The following ARHGAP10 variants were observed in gnomAD, a reference collection of about 807,000 sequenced individuals.
ARHGAP10 encodes the protein rho GTPase-activating protein 10.
Under a neutral mutation model 108.6 loss-of-function variants are expected in ARHGAP10, and 87 were observed. The ratio of observed to expected loss-of-function variants is 0.80; its 90% confidence interval spans 0.67 to 0.96. The LOEUF is 0.96. Ranked by LOEUF, ARHGAP10 falls within the 40% of genes least tolerant of loss-of-function variation. The pLI is 0.00. For missense variants in ARHGAP10, 939 were observed against 954.5 expected (o/e 0.98, Z 0.21); for synonymous variants, 347 against 341.1 (o/e 1.02, Z -0.19).
chr4:148,047,135 TG>T, intron 20 of ARHGAP10, 84 bp downstream of exon 20: 1 of 1,514,972 alleles, frequency 6.6e-7, no homozygotes, highest in Non-Finnish European at 8.9e-7. Flanking sequence ...CAGTGACCTG[TG>T]GGTGCTGAAG....
chr4:147,772,598 A>G (rs1182962104), intron 1 of ARHGAP10, among the ~76,000 whole-genome samples: 1 of 152,260 alleles, frequency 6.6e-6, no homozygotes, highest in African/African-American at 2.4e-5. Context: ...TTGACAAGGC[A>G]TTAGCAATCA....
At chr4:147,892,594 G>A (rs111451451) in intron 10 of ARHGAP10, among the ~76,000 whole-genome samples, 1 of 30,704 alleles carries the variant, frequency 3.3e-5, no homozygotes, top group Non-Finnish European at 1.1e-4. Flanking sequence ...GGTTGGCTGG[G>A]AGTGTGGGGT....
At chr4:147,949,812 A>C (rs1738527323) in intron 15 of ARHGAP10, among the ~76,000 whole-genome samples, 1 of 149,382 alleles carries the variant, frequency 6.7e-6, no homozygotes, top group Non-Finnish European at 1.5e-5. Context: ...CTAAGGGTGG[A>C]AATCCACCTT....
In ARHGAP10 at chr4:148,023,273, C is replaced by T. The variant is rs749043561; in HGVS notation, c.1727C>T (p.Thr576Met). 140 of 1,613,638 alleles carry T rather than the reference C, an allele frequency of 8.7e-5. 2 individuals carry two copies. In the South Asian group the frequency reaches 1.2e-3, roughly 14 times the overall value. Reference protein sequence around the residue: ...LIENHEKIFRTPPDTTFPEPT... With the variant: ...LIENHEKIFRMPPDTTFPEPT... Reference sequence around the variant, plus strand: ...ATGCTTTGTTGGAAGATTTTTCGGACGCCGCCCGATACTACATTCCCTGAG... The same window carrying T: ...ATGCTTTGTTGGAAGATTTTTCGGATGCCGCCCGATACTACATTCCCTGAG... The change falls in exon 19 of 23, where the codon ACG becomes ATG. Residue 576 changes from threonine to methionine, a missense_variant. Coordinates refer to ENST00000336498, the MANE Select transcript of ARHGAP10 (RefSeq NM_024605.4).
At chr4:148,052,318 T>C (rs1338153101) in intron 20 of ARHGAP10, among the ~76,000 whole-genome samples, 3 of 147,898 alleles carry the variant, frequency 2.0e-5, no homozygotes, top group Non-Finnish European at 4.4e-5. Flanking sequence ...CCCTAGAAGT[T>C]GGTATCTTAA....
At chr4:147,993,387 T>A (rs80026408) in intron 18 of ARHGAP10, among the ~76,000 whole-genome samples, 2 of 152,232 alleles carry the variant, frequency 1.3e-5, no homozygotes, top group Non-Finnish European at 2.9e-5. Context: ...TTATTCTTTT[T>A]CCTTACATTT....
chr4:147,774,339 T>A (rs923807608), intron 1 of ARHGAP10, among the ~76,000 whole-genome samples: 1 of 152,202 alleles, frequency 6.6e-6, no homozygotes, highest in African/African-American at 2.4e-5. Flanking sequence ...CTCTTGTTCT[T>A]AGTGGAATCT....
At chr4:147,869,473 T>C (rs901401593) in intron 7 of ARHGAP10, among the ~76,000 whole-genome samples, 1 of 152,224 alleles carries the variant, frequency 6.6e-6, no homozygotes, top group Admixed American at 6.5e-5. Flanking sequence ...AGCTATCATT[T>C]GAAATGTTTC....
chr4:147,976,986 T>C (rs1739620720), intron 18 of ARHGAP10, among the ~76,000 whole-genome samples: 1 of 152,176 alleles, frequency 6.6e-6, no homozygotes, highest in African/African-American at 2.4e-5. Flanking sequence ...TCGTAATATT[T>C]ATAATAATGA....
intron 22 of ARHGAP10, chr4:148,065,276 T>A (rs899725493): frequency 4.6e-5 from 7 of 152,238 alleles, no homozygotes; most frequent in Non-Finnish European, 1.0e-4. Context: ...TGGAATGGAA[T>A]GGTTGATTAT....
intron 13 of ARHGAP10, among the ~76,000 whole-genome samples, chr4:147,924,174 ACT>A (rs968565840): frequency 2.0e-5 from 3 of 152,186 alleles, no homozygotes; most frequent in Admixed American, 6.5e-5. Flanking sequence ...TTTTAAGGAA[ACT>A]CTGAGAAACT....
intron 19 of ARHGAP10, among the ~76,000 whole-genome samples, chr4:148,024,477 G>A (rs2149664679): frequency 6.6e-6 from 1 of 152,270 alleles, no homozygotes; most frequent in Admixed American, 6.5e-5. Context: ...GCAAGCAGGT[G>A]ACAACTGTCT....
intron 18 of ARHGAP10, among the ~76,000 whole-genome samples, chr4:148,005,688 A>T (rs1398704085): frequency 6.6e-6 from 1 of 152,218 alleles, no homozygotes; most frequent in Non-Finnish European, 1.5e-5. Context: ...TTAAACAGTG[A>T]ATCTGATTCT....
At chr4:147,985,894 C>G in intron 18 of ARHGAP10, among the ~76,000 whole-genome samples, 1 of 152,208 alleles carries the variant, frequency 6.6e-6, no homozygotes, top group Middle Eastern at 3.2e-3. Context: ...AGGTCCTCTG[C>G]CTCTTATGTA....
intron 1 of ARHGAP10, among the ~76,000 whole-genome samples, chr4:147,814,060 C>G (rs1388697764): frequency 6.6e-6 from 1 of 151,992 alleles, no homozygotes; most frequent in East Asian, 1.9e-4. Context: ...AAATCTGGAC[C>G]CCTCCGTTCC....
chr4:147,889,926 G>A (rs1394767984), intron 10 of ARHGAP10, among the ~76,000 whole-genome samples: 4 of 152,120 alleles, frequency 2.6e-5, no homozygotes, highest in Non-Finnish European at 5.9e-5. Flanking sequence ...TCTCTTGTTT[G>A]GGAAGCCCAG....
rs555213347 is a variant in ARHGAP10 at position 148,023,026 on chromosome 4, G to C, written c.1717-237G>C. 5.8e-5 allele frequency: 23 copies of C among 399,242 alleles called. No homozygotes were observed. The South Asian group carries it at 1.3e-3, about 23-fold the overall frequency. 24.7% of individuals were successfully genotyped at this position (399,242 alleles called of 1,614,324 possible). On this transcript the variant is annotated intron_variant, in intron 18 of 22. Coordinates refer to ENST00000336498, the MANE Select transcript of ARHGAP10 (RefSeq NM_024605.4). ...TGTTTAGTTTTGGAATGAATTATTT[G>C]ATATATAACAATCTGATGTTGTTTT...
intron 1 of ARHGAP10, among the ~76,000 whole-genome samples, chr4:147,816,351 G>A (rs1031950853): frequency 6.6e-6 from 1 of 152,180 alleles, no homozygotes; most frequent in African/African-American, 2.4e-5. Context: ...TATTGGCCTT[G>A]AGCTCTGTGC....
intron 1 of ARHGAP10, among the ~76,000 whole-genome samples, chr4:147,760,972 G>A (rs187580139): frequency 1.5e-4 from 23 of 152,076 alleles, no homozygotes; most frequent in African/African-American, 4.3e-4. Flanking sequence ...TAAAAGAGCT[G>A]GTTGTAGGTA....
Sources: allele counts gnomAD v4.1 joint callset (sites outside exome capture counted in the v4.1 genomes callset), GRCh38; gene constraint gnomAD v4.1.1; transcripts MANE v1.5; gene names NCBI Gene and HGNC (gene_info 2026-07-23, HGNC 2026-07-21).